The following PDSS2 variants were observed in gnomAD, a reference collection of about 807,000 sequenced individuals.
PDSS2 encodes the protein all trans-polyprenyl-diphosphate synthase PDSS2.
Under a neutral mutation model 44.5 loss-of-function variants are expected in PDSS2, and 31 were observed. The observed-to-expected ratio is 0.70, with a 90% CI of 0.52 to 0.94. The LOEUF (loss-of-function observed/expected upper bound fraction) is 0.94, where lower values mean the gene tolerates loss of function less well. Among genes scored for constraint, PDSS2 ranks in the 40% least tolerant of loss-of-function variants. The probability of loss-of-function intolerance (pLI) is 0.00; values close to 1 mark genes in which losing one functional copy is unlikely to be tolerated. For missense variants in PDSS2, 452 were observed against 482.2 expected, an observed-to-expected ratio of 0.94 and a Z score of 0.59; for synonymous variants, 157 against 180.3, an observed-to-expected ratio of 0.87 and a Z score of 1.03.
chr6:107,320,781 C>T lies in PDSS2; in HGVS notation c.431+13417G>A, dbSNP rs76978762. 4.5e-3 allele frequency among the ~76,000 whole-genome samples: 691 copies of T among 152,250 alleles called. 8 individuals are homozygous for T. Among genetic ancestry groups the T allele is most frequent in the African/African-American group, 0.016 (647 of 41,562 alleles). ...CAATAATACATGGAGCACTTGAGTG[C>T]CCACCATAGTGCTGGGGCTTTGGAG... On this transcript the variant is annotated intron_variant, in intron 2 of 7. Transcript: ENST00000369037.
At chr6:107,288,363 G>A (rs1776224704) in intron 2 of PDSS2, among the ~76,000 whole-genome samples, 1 of 152,174 alleles carries the variant, frequency 6.6e-6, no homozygotes, top group African/African-American at 2.4e-5. Flanking sequence ...TCTCCATTGT[G>A]TAGTTCAGTG....
chr6:107,167,900 A>G (rs1437920792), intron 7 of PDSS2, among the ~76,000 whole-genome samples: 1 of 152,122 alleles, frequency 6.6e-6, no homozygotes, highest in African/African-American at 2.4e-5. Flanking sequence ...ACTTCCAACT[A>G]TGTGGTCAAT....
intron 3 of PDSS2, among the ~76,000 whole-genome samples, chr6:107,272,795 C>A (rs1056811843): frequency 3.3e-5 from 5 of 151,896 alleles, no homozygotes; most frequent in Admixed American, 2.6e-4. Context: ...CTAGCCTGGG[C>A]AACACAGTGA....
At position 107,367,469 on chromosome 6, in the gene PDSS2, C is replaced by T. The variant is rs1778991614; in HGVS notation, c.297-33137G>A. Among the ~76,000 whole-genome samples, 5 of 152,168 alleles carry T rather than the reference C, an allele frequency of 3.3e-5. No individual in the cohort carries two copies. The South Asian group carries it at 8.3e-4, about 25-fold the overall frequency. ...ATGTCAGTTCAACTCAATGTTGTAC[C>T]GAAAGTTTCAGCCAGTGAAATAAAA... is the stretch of plus-strand genomic sequence containing the variant. On this transcript the variant is annotated intron_variant, in intron 1 of 7. Transcript: ENST00000369037.
chr6:107,433,066 C>T (rs1781241754), intron 1 of PDSS2, among the ~76,000 whole-genome samples: 2 of 151,900 alleles, frequency 1.3e-5, no homozygotes, highest in African/African-American at 4.8e-5. Flanking sequence ...ATAATGTCCT[C>T]CAGGAAAAAA....
At chr6:107,449,987 C>T (rs1379474449) in intron 1 of PDSS2, among the ~76,000 whole-genome samples, 1 of 152,194 alleles carries the variant, frequency 6.6e-6, no homozygotes, top group Non-Finnish European at 1.5e-5. Context: ...ACTGTGAATA[C>T]TGCTGCTATG....
chr6:107,197,944 G>C, intron 6 of PDSS2: 1 of 459,632 alleles, frequency 2.2e-6, no homozygotes, highest in Non-Finnish European at 4.6e-6. Context: ...ATGACTTAGG[G>C]GTGGAATTTT....
chr6:107,310,919 CTTTTT>C (rs370360594), intron 2 of PDSS2, among the ~76,000 whole-genome samples: 1 of 140,926 alleles, frequency 7.1e-6, no homozygotes, highest in South Asian at 2.3e-4. Flanking sequence ...CAAAAATAAA[CTTTTT>C]TTTTTTTTTT....
At chr6:107,363,760 G>C (rs1032861040) in intron 1 of PDSS2, among the ~76,000 whole-genome samples, 1 of 152,152 alleles carries the variant, frequency 6.6e-6, no homozygotes, top group Non-Finnish European at 1.5e-5. Flanking sequence ...GGCCTGTTTT[G>C]TCAGGGCGCT....
chr6:107,177,104 G>T (rs1582741399), intron 7 of PDSS2, among the ~76,000 whole-genome samples: 2 of 145,740 alleles, frequency 1.4e-5, no homozygotes, highest in African/African-American at 2.5e-5. Context: ...TTCTTTACAT[G>T]TATCTGCTGA....
intron 1 of PDSS2, among the ~76,000 whole-genome samples, chr6:107,355,803 AAT>A (rs1196553215): frequency 6.6e-6 from 1 of 152,208 alleles, no homozygotes; most frequent in African/African-American, 2.4e-5. Context: ...TAAATATAAC[AAT>A]AGTCATATCC....
At chr6:107,283,021 G>C (rs1776019867) in intron 2 of PDSS2, among the ~76,000 whole-genome samples, 1 of 150,882 alleles carries the variant, frequency 6.6e-6, no homozygotes, top group African/African-American at 2.4e-5. Flanking sequence ...ACCGTACCCA[G>C]ACTGATAAAC....
chr6:107,336,294 C>T (rs1364370918), intron 1 of PDSS2, among the ~76,000 whole-genome samples: 3 of 151,152 alleles, frequency 2.0e-5, no homozygotes, highest in Admixed American at 6.6e-5. Flanking sequence ...CTTTGCCCCT[C>T]CAGTCTCCAA....
At position 107,267,990 on chromosome 6, in the gene PDSS2, A is replaced by G. The variant is rs1042247192; in HGVS notation, c.630+6039T>C. Among the ~76,000 whole-genome samples the G allele has an allele frequency of 2.0e-5, 3 of 152,314 alleles. No homozygotes were observed. The East Asian group carries it at 5.8e-4, about 29-fold the overall frequency. ...AATTAGATATTAAAGGTACCATACTACTTTCTCCCTTAAATTCCGCAGGTC... is the reference window on the plus strand; with the variant it reads ...AATTAGATATTAAAGGTACCATACTGCTTTCTCCCTTAAATTCCGCAGGTC... On this transcript the variant is annotated intron_variant, in intron 3 of 7. Transcript: ENST00000369037.
chr6:107,162,026 G>A (rs1009993332), intron 7 of PDSS2, among the ~76,000 whole-genome samples: 1 of 152,090 alleles, frequency 6.6e-6, no homozygotes, highest in African/African-American at 2.4e-5. Context: ...CAAGGGTGGT[G>A]GGGTCACACA....
intron 2 of PDSS2, among the ~76,000 whole-genome samples, chr6:107,321,882 A>AT (rs1341250956): frequency 2.0e-5 from 3 of 152,172 alleles, no homozygotes; most frequent in African/African-American, 7.2e-5. Flanking sequence ...CCAACTTTCC[A>AT]TCTAAAACCT....
chr6:107,262,290 T>TA (rs1484534215), intron 3 of PDSS2, among the ~76,000 whole-genome samples: 1 of 152,168 alleles, frequency 6.6e-6, no homozygotes, highest in African/African-American at 2.4e-5. Context: ...ACGTAATCTC[T>TA]AAAGTGTATA....
At chr6:107,348,961 G>A (rs1778339580) in intron 1 of PDSS2, among the ~76,000 whole-genome samples, 2 of 152,180 alleles carry the variant, frequency 1.3e-5, no homozygotes, top group South Asian at 4.1e-4. Flanking sequence ...GTAGAGCCAT[G>A]ATTTTAACCC....
intron 6 of PDSS2, among the ~76,000 whole-genome samples, chr6:107,204,413 T>A (rs1424798556): frequency 6.6e-6 from 1 of 152,228 alleles, no homozygotes; most frequent in African/African-American, 2.4e-5. Context: ...ATATTGCTGA[T>A]CTGAACATTC....
Sources: gnomAD v4.1 joint callset for allele counts (sites outside exome capture counted in the v4.1 genomes callset) on GRCh38, gnomAD v4.1.1 for gene constraint, MANE v1.5 for transcripts, NCBI Gene and HGNC (gene_info 2026-07-23, HGNC 2026-07-21) for gene names.